Variants in EFR3B observed in about 807,000 individuals in gnomAD.
EFR3B encodes the protein EFR3 homolog B.
EFR3B carries 64 observed loss-of-function variants against 104.7 expected under a neutral mutation model. The observed-to-expected ratio is 0.61, with a 90% confidence interval of 0.50 to 0.75. The LOEUF (loss-of-function observed/expected upper bound fraction) is 0.75, where lower values mean the gene tolerates loss of function less well. Among genes scored for constraint, EFR3B ranks in the 30% least tolerant of loss-of-function variants. The pLI is 0.00. For missense variants in EFR3B, 750 were observed against 1,078.5 expected (o/e 0.70, Z 4.27); for synonymous variants, 385 against 417.9 (o/e 0.92, Z 0.96).
chr2:25,144,899 C>A, intron 18 of EFR3B, 61 bp from the exon 19 acceptor site: 1 of 1,437,050 alleles, frequency 7.0e-7, no homozygotes, highest in Non-Finnish European at 9.5e-7. Context: ...GTGGGACTAG[C>A]AGCTCAGTCC....
At chr2:25,067,571 A>C (rs1216753270) in intron 1 of EFR3B, among the ~76,000 whole-genome samples, 1 of 151,924 alleles carries the variant, frequency 6.6e-6, no homozygotes, top group Non-Finnish European at 1.5e-5. Flanking sequence ...AGTAGCTGGG[A>C]CTACAGGCGC....
rs557500244 is a variant in EFR3B, at chr2:25,131,116, T to C, written c.850-252T>C. ...AAAGGAAGACCCTATTTTAAAATGG[T>C]CTTTTGACCAATTTTGAAGTAAAAG... On this transcript the variant is annotated intron_variant, in intron 8 of 22. Coordinates refer to ENST00000403714, the MANE Select transcript of EFR3B (RefSeq NM_014971.2). This position sits in a 1 kb window ranked among gnomAD's most constrained non-coding sequence, Gnocchi z 7.6. Among the ~76,000 whole-genome samples the C allele has an allele frequency of 6.6e-6, 1 of 152,160 alleles. No individual in the cohort carries two copies. The highest frequency in any genetic ancestry group is 2.4e-5 in the African/African-American group (1 of 41,436).
chr2:25,107,233 A>T (rs475299), intron 4 of EFR3B, among the ~76,000 whole-genome samples: 152,106 of 152,260 alleles, frequency 1, 75,977 homozygotes, highest in Middle Eastern at 1. Context: ...ATAGCCCCCA[A>T]GACCAGACTT....
chr2:25,130,555 T>C lies in EFR3B; in HGVS notation c.774T>C (p.His258=), dbSNP rs1309042321. 1 of 1,551,590 alleles carries C rather than the reference T, an allele frequency of 6.4e-7. No homozygotes were observed. Among genetic ancestry groups the C allele is most frequent in the African/African-American group, 1.4e-5 (1 of 73,062 alleles). ...IKNAIKPVLI[H]LDNHSLWEPK... is the part of the protein sequence containing the mutation. ...CCCCACGTTTTCTCCCTCACAGCCA[T>C]CTGGATAACCATTCTCTTTGGGAAC... Residue 258 remains histidine, a synonymous_variant, in exon 8 of 23, where the codon CAT becomes CAC. Coordinates refer to ENST00000403714, the MANE Select transcript of EFR3B (RefSeq NM_014971.2). The surrounding 1 kb of genome is among the most constrained non-coding windows in gnomAD (Gnocchi z 4.6).
chr2:25,103,906 AGT>A, intron 4 of EFR3B, 119 bp downstream of exon 4: 1 of 1,235,758 alleles, frequency 8.1e-7, no homozygotes, highest in South Asian at 1.6e-5. Context: ...CCCAACCCTA[AGT>A]GTGACACACT....
intron 19 of EFR3B, among the ~76,000 whole-genome samples, chr2:25,148,282 C>T (rs908732824): frequency 1.3e-5 from 2 of 151,042 alleles, no homozygotes; most frequent in East Asian, 3.9e-4. Flanking sequence ...AAAACAGAGT[C>T]TCCCTCTGTC....
intron 19 of EFR3B, among the ~76,000 whole-genome samples, chr2:25,148,794 C>T (rs1197238930): frequency 2.7e-5 from 4 of 150,894 alleles, no homozygotes; most frequent in Admixed American, 6.6e-5. Context: ...TAGTGGTGGG[C>T]GCCTGTAGTC....
chr2:25,046,273 T>TA (rs955932414), intron 1 of EFR3B, among the ~76,000 whole-genome samples: 1 of 151,758 alleles, frequency 6.6e-6, no homozygotes, highest in African/African-American at 2.4e-5. Context: ...TAATCCCAGC[T>TA]AATGGGGAGG....
chr2:25,067,371 G>A (rs1262478400), intron 1 of EFR3B, among the ~76,000 whole-genome samples: 1 of 151,562 alleles, frequency 6.6e-6, no homozygotes, highest in Non-Finnish European at 1.5e-5. Context: ...GCCTGTGAGG[G>A]TGCACACAAA....
chr2:25,137,308 C>G lies in EFR3B; in HGVS notation c.1561-33C>G. 6.4e-7 allele frequency: 1 copy of G among 1,550,930 alleles called. No homozygotes were observed. The highest frequency in any genetic ancestry group is 1.2e-5 in the South Asian group (1 of 83,838). Reference sequence around the variant, plus strand: ...CTTGCCCCTCCTGTCCCCATCCCTCCGACCCTGGCCTTCTGCCCGCTCCTG... The same window carrying G: ...CTTGCCCCTCCTGTCCCCATCCCTCGGACCCTGGCCTTCTGCCCGCTCCTG... On this transcript the variant is annotated intron_variant, in intron 14 of 22. Transcript: ENST00000403714. This position sits in a 1 kb window ranked among gnomAD's most constrained non-coding sequence, Gnocchi z 4.7.
intron 1 of EFR3B, among the ~76,000 whole-genome samples, chr2:25,087,137 C>G (rs1668975114): frequency 6.6e-6 from 1 of 152,000 alleles, no homozygotes; most frequent in African/African-American, 2.4e-5. Flanking sequence ...GGGAAAAGCC[C>G]CTCATAAAAC....
At chr2:25,144,731 G>A (rs989326432) in intron 18 of EFR3B, among the ~76,000 whole-genome samples, 6 of 152,136 alleles carry the variant, frequency 3.9e-5, no homozygotes, top group Non-Finnish European at 8.8e-5. Context: ...TCTCGTTGAC[G>A]ATTTCAAAAT....
At position 25,085,640 on chromosome 2, in the gene EFR3B, T is replaced by G. The variant is rs151280244; in HGVS notation, c.8-5685T>G. Among the ~76,000 whole-genome samples the G allele has an allele frequency of 4.3e-4, 65 of 152,070 alleles. No homozygotes were observed. In the East Asian group the frequency reaches 0.011, roughly 25 times the overall value. ...CCACCACACCTGACTAATTTTTGTA[T>G]TTTTAGTAGAAACGAGATTTCACCA... On this transcript the variant is annotated intron_variant, in intron 1 of 22. Coordinates refer to ENST00000403714, the MANE Select transcript of EFR3B (RefSeq NM_014971.2).
intron 3 of EFR3B, among the ~76,000 whole-genome samples, 191 bp downstream of exon 3, chr2:25,093,321 C>A (rs1434325240): frequency 6.6e-6 from 1 of 151,920 alleles, no homozygotes; most frequent in Non-Finnish European, 1.5e-5. Context: ...TAGTGAGATT[C>A]CATCTCTACA....
intron 20 of EFR3B, 121 bp downstream of exon 20, chr2:25,149,863 G>T: frequency 2.2e-6 from 2 of 893,884 alleles, no homozygotes; most frequent in Non-Finnish European, 3.6e-6. Context: ...CTGCGTGAAG[G>T]GAGAGGCTGG....
rs555511488 is a variant in EFR3B, at chr2:25,132,803, C to T, written c.1148-100C>T. 2.3e-5 allele frequency: 22 copies of T among 966,220 alleles called. No individual in the cohort carries two copies. In the Admixed American group the frequency reaches 2.6e-4, roughly 11 times the overall value. The allele number at this position is 966,220 out of a possible 1,614,324, so 59.9% of individuals were successfully genotyped here. On this transcript the variant is annotated intron_variant, in intron 10 of 22. Transcript: ENST00000403714. ...CCTTTCTCTGGTCCTGGATTGACTC[C>T]GGAGAGAGGCAGCCCTCGCTCTCTG...
At chr2:25,045,740 G>C (rs1306570889) in intron 1 of EFR3B, among the ~76,000 whole-genome samples, 1 of 151,256 alleles carries the variant, frequency 6.6e-6, no homozygotes, top group Non-Finnish European at 1.5e-5. Context: ...TGAGATTGGC[G>C]CCACTGCACT....
intron 4 of EFR3B, among the ~76,000 whole-genome samples, chr2:25,110,418 A>T (rs920631174): frequency 6.6e-6 from 1 of 150,626 alleles, no homozygotes; most frequent in African/African-American, 2.5e-5. Flanking sequence ...TTTCCCCTAA[A>T]CTCCCCTCCC....
Position 25,057,434 on chromosome 2 carries a change from A to G in EFR3B, c.7+15115A>G, listed in dbSNP as rs547085915. 8.9e-4 allele frequency among the ~76,000 whole-genome samples: 136 copies of G among 152,036 alleles called. 1 individual carries two copies. Among genetic ancestry groups the G allele is most frequent in the African/African-American group, 3.2e-3 (131 of 41,482 alleles). On this transcript the variant is annotated intron_variant, in intron 1 of 22. Transcript: ENST00000403714. The stretch of plus-strand genomic sequence containing the variant: ...TAACAAAAAAAAAAACAAAAAACAG[A>G]TCTGTTTTATTCCAACGTTATTCTC...
Sources: gnomAD v4.1 joint callset for allele counts (sites outside exome capture counted in the v4.1 genomes callset) on GRCh38, gnomAD v4.1.1 for gene constraint, Gnocchi (gnomAD v3.1) non-coding constraint, MANE v1.5 for transcripts, NCBI Gene and HGNC (gene_info 2026-07-23, HGNC 2026-07-21) for gene names.